Variants in NEBL observed in about 807,000 individuals in gnomAD.
The protein encoded by NEBL is LIM and SH3 protein 2.
NEBL carries 122 observed loss-of-function variants against 140.2 expected under a neutral mutation model. The observed-to-expected ratio is 0.87, with a 90% CI of 0.75 to 1.01. NEBL has a LOEUF of 1.01. Among genes scored for constraint, NEBL ranks in the 50% least tolerant of loss-of-function variants. NEBL has a pLI of 0.00. For synonymous variants in NEBL, 436 were observed against 398.9 expected, an observed-to-expected ratio of 1.09 and a Z score of -1.11; for missense variants, 1,365 against 1,231.3, an observed-to-expected ratio of 1.11 and a Z score of -1.62.
chr10:21,111,969 G>A (rs1007166773), intron 2 of NEBL, among the ~76,000 whole-genome samples: 2 of 152,194 alleles, frequency 1.3e-5, no homozygotes, highest in African/African-American at 4.8e-5. Flanking sequence ...CATTTATGCA[G>A]CCAACAGACA....
chr10:21,210,730 A>G (rs562194150), intron 3 of NEBL, among the ~76,000 whole-genome samples: 34 of 152,194 alleles, frequency 2.2e-4, no homozygotes, highest in South Asian at 6.2e-4. Context: ...TGCATTTTTA[A>G]GTTTCAATAA....
At chr10:20,839,291 C>A (rs557576782) in intron 13 of NEBL, among the ~76,000 whole-genome samples, 1 of 152,312 alleles carries the variant, frequency 6.6e-6, no homozygotes, top group Admixed American at 6.5e-5. Context: ...AATTACAAGA[C>A]AATCTCTGCA....
intron 3 of NEBL, among the ~76,000 whole-genome samples, chr10:20,992,476 G>T (rs939898289): frequency 1.3e-5 from 2 of 152,138 alleles, no homozygotes; most frequent in African/African-American, 4.8e-5. Flanking sequence ...GACGACAGAG[G>T]CTCCTGGGCT....
chr10:21,133,857 T>C (rs1227520933), intron 2 of NEBL, among the ~76,000 whole-genome samples: 1 of 152,182 alleles, frequency 6.6e-6, no homozygotes, highest in Non-Finnish European at 1.5e-5. Flanking sequence ...TTGATGCTGA[T>C]GGTCATCTTT....
intron 5 of NEBL, among the ~76,000 whole-genome samples, chr10:20,879,134 T>C (rs985746059): frequency 6.6e-6 from 1 of 152,206 alleles, no homozygotes; most frequent in African/African-American, 2.4e-5. Flanking sequence ...GCTCCCCATT[T>C]TTAAAAACTG....
At chr10:20,858,392 T>C in intron 8 of NEBL, 48 bp from the exon 9 acceptor site, 1 of 1,423,844 alleles carries the variant, frequency 7.0e-7, no homozygotes, top group Non-Finnish European at 9.9e-7. Context: ...AAGAAAATAT[T>C]ATGCTTTTGC....
intron 2 of NEBL, among the ~76,000 whole-genome samples, chr10:21,163,858 G>A (rs1840655469): frequency 6.6e-6 from 1 of 152,164 alleles, no homozygotes; most frequent in South Asian, 2.1e-4. Flanking sequence ...AAAGTAAACA[G>A]AAGTCAAACG....
intron 2 of NEBL, among the ~76,000 whole-genome samples, chr10:21,060,605 A>T (rs536672796): frequency 7.3e-5 from 11 of 151,568 alleles, no homozygotes; most frequent in South Asian, 2.1e-4. Context: ...CATTTTTTTT[A>T]AAAATCCCCT....
intron 3 of NEBL, among the ~76,000 whole-genome samples, chr10:21,205,141 A>G (rs1589328133): frequency 6.6e-6 from 1 of 152,206 alleles, no homozygotes; most frequent in Non-Finnish European, 1.5e-5. Flanking sequence ...CCAACCCAAT[A>G]TTACAACAAT....
intron 1 of NEBL, among the ~76,000 whole-genome samples, chr10:21,279,444 C>A (rs1448619664): frequency 6.6e-6 from 1 of 151,888 alleles, no homozygotes; most frequent in Non-Finnish European, 1.5e-5. Flanking sequence ...TACAGGCCAC[C>A]ATGCCTGGCC....
chr10:21,131,060 C>G (rs1214702143), intron 2 of NEBL, among the ~76,000 whole-genome samples: 1 of 152,062 alleles, frequency 6.6e-6, no homozygotes, highest in East Asian at 1.9e-4. Context: ...GAGGGGCCAT[C>G]ATTACAGATG....
At position 21,171,724 on chromosome 10, in the gene NEBL, G is replaced by T. The variant is rs117862654; in HGVS notation, c.164+659C>A. 972 of 155,996 alleles carry T rather than the reference G, an allele frequency of 6.2e-3. 5 individuals are homozygous for T. Among genetic ancestry groups the T allele is most frequent in the Non-Finnish European group, 8.8e-3 (621 of 70,394 alleles). The allele number at this position is 155,996 out of a possible 1,614,324, so 9.7% of individuals were successfully genotyped here. A position where few individuals can be genotyped will look rare whatever the true frequency, so the allele number is the denominator to read the frequency against. On this transcript the variant is annotated intron_variant, in intron 2 of 6. Coordinates refer to the NEBL transcript ENST00000417816. ...TAAATGCTAGCTAATTGCTATTCTA[G>T]GCTAGCAGCATGCCTACACAAAAGC...
intron 2 of NEBL, among the ~76,000 whole-genome samples, chr10:21,031,877 C>T (rs1833811980): frequency 6.6e-6 from 1 of 152,212 alleles, no homozygotes; most frequent in African/African-American, 2.4e-5. Flanking sequence ...TTAAAACTCA[C>T]ATTCATTGCA....
intron 3 of NEBL, among the ~76,000 whole-genome samples, chr10:21,015,706 T>C (rs1838528199): frequency 6.6e-6 from 1 of 151,784 alleles, no homozygotes. Context: ...GAAACAGGAG[T>C]CTCCCTATGG....
intron 4 of NEBL, among the ~76,000 whole-genome samples, chr10:20,921,515 C>T (rs1833575897): frequency 6.6e-6 from 1 of 152,172 alleles, no homozygotes; most frequent in Non-Finnish European, 1.5e-5. Context: ...GCCTCATCCT[C>T]ACAACTAAGT....
chr10:21,094,311 G>A (rs539684803), intron 2 of NEBL, among the ~76,000 whole-genome samples: 2 of 152,018 alleles, frequency 1.3e-5, no homozygotes, highest in Non-Finnish European at 2.9e-5. Context: ...GACCATCCTG[G>A]CTAATACGGT....
chr10:21,184,011 C>A (rs1337386566), intron 3 of NEBL, among the ~76,000 whole-genome samples: 2 of 152,160 alleles, frequency 1.3e-5, no homozygotes, highest in Non-Finnish European at 2.9e-5. Flanking sequence ...GTGAGGCCTC[C>A]CCTGCCACTT....
At chr10:21,058,284 G>C (rs1378416411) in intron 2 of NEBL, among the ~76,000 whole-genome samples, 1 of 152,172 alleles carries the variant, frequency 6.6e-6, no homozygotes, top group Non-Finnish European at 1.5e-5. Flanking sequence ...GCCAAGGAGA[G>C]CATAGATATA....
chr10:20,916,064 A>C (rs925772273), intron 4 of NEBL, among the ~76,000 whole-genome samples: 1 of 152,238 alleles, frequency 6.6e-6, no homozygotes, highest in Non-Finnish European at 1.5e-5. Context: ...TAATTTCAGA[A>C]ATAATCTTTT....
Sources: allele counts gnomAD v4.1 joint callset (sites outside exome capture counted in the v4.1 genomes callset), GRCh38; gene constraint gnomAD v4.1.1; transcripts MANE v1.5; gene names NCBI Gene and HGNC (gene_info 2026-07-23, HGNC 2026-07-21).